Variants in EXOC3L2 observed in about 807,000 individuals in gnomAD.
The protein encoded by EXOC3L2 is exocyst complex component 3 like 2, also known as exocyst complex component 3-like protein 2.
In EXOC3L2, 17 loss-of-function variants were observed where a neutral mutation model predicts 44.4. The observed-to-expected ratio is 0.38, with a 90% CI of 0.26 to 0.57. The LOEUF (loss-of-function observed/expected upper bound fraction) is 0.57. EXOC3L2 is among the 20% of genes least tolerant of loss of function. The pLI is 0.65. For missense variants in EXOC3L2, 541 were observed against 588.4 expected, an observed-to-expected ratio of 0.92 and a Z score of 0.83; for synonymous variants, 256 against 253.7, an observed-to-expected ratio of 1.01 and a Z score of -0.09.
Position 45,213,162 on chromosome 19 carries a change from G to A in EXOC3L2, c.2316C>T (p.Gly772=), listed in dbSNP as rs571457121. 6.9e-6 allele frequency: 11 copies of A among 1,594,432 alleles called. No homozygotes were observed. The South Asian group carries it at 1.1e-4, about 16-fold the overall frequency. ...TGGCCAGCCGGGAGAGGGGGAGGCG[G>A]CCCAGGAAGAGAGGGAGGCTGAGAC... ...SFCLSLPLFL[G]RLPLSRLARP... The change falls in exon 12 of 12, where the codon GGC becomes GGT. Residue 772 remains glycine, a synonymous_variant. Transcript: ENST00000413988.
At chr19:45,218,158 T>TTGCCC in intron 9 of EXOC3L2, 39 bp downstream of exon 9, 6 of 1,034,904 alleles carry the variant, frequency 5.8e-6, no homozygotes, top group Non-Finnish European at 6.7e-6. Context: ...TCCCCTCTTT[T>TTGCCC]CCCCCACCCC....
In EXOC3L2 at chr19:45,227,667, T is replaced by TG. The variant is rs886039793; in HGVS notation, c.1577dup (p.Leu527ThrfsTer25). On this transcript the variant is annotated frameshift_variant, in exon 7 of 12. Coordinates refer to ENST00000413988, the MANE Select transcript of EXOC3L2 (RefSeq NM_001382422.1). LOFTEE classifies it high-confidence loss of function. ...CACACCATGGATGCCCTCACCTCAG[T>TG]GGGGGGCCGCAGTTGACCAGGGCGA... 1 of 1,610,100 alleles carries TG rather than the reference T, an allele frequency of 6.2e-7. No homozygotes were observed. Among genetic ancestry groups the TG allele is most frequent in the Non-Finnish European group, 8.5e-7 (1 of 1,178,852 alleles).
rs1240409847 is a variant in EXOC3L2, at chr19:45,234,827, C to T, written c.524-1G>A. 2.5e-6 allele frequency: 1 copy of T among 393,362 alleles called. No individual in the cohort carries two copies. The highest frequency in any genetic ancestry group is 4.5e-6 in the Non-Finnish European group (1 of 222,646). The allele number at this position is 393,362 out of a possible 1,614,324, so 24.4% of individuals were successfully genotyped here. ...TGGATCAGGCTCAGGATCTCCAGCA[C>T]TGCGGGAGCAAAGCGGGAGGTCAGC... On this transcript the variant is annotated splice_acceptor_variant, in intron 2 of 11. Transcript: ENST00000413988. LOFTEE classifies it high-confidence loss of function. The surrounding 1 kb of genome is among the most constrained non-coding windows in gnomAD (Gnocchi z 5.0).
rs957385712 is a variant in EXOC3L2, at chr19:45,226,747, C to CTTTTTTTTTTTTTTTTTT, written c.1583+897_1583+914dup. Among the ~76,000 whole-genome samples the CTTTTTTTTTTTTTTTTTT allele has an allele frequency of 7.2e-4, 65 of 90,654 alleles. 9 individuals are homozygous for CTTTTTTTTTTTTTTTTTT. Among genetic ancestry groups the CTTTTTTTTTTTTTTTTTT allele is most frequent in the African/African-American group, 2.8e-3 (46 of 16,270 alleles). 59.5% of individuals were successfully genotyped at this position (90,654 alleles called of 152,430 possible). A position where few individuals can be genotyped will look rare whatever the true frequency, so the allele number is the denominator to read the frequency against. On this transcript the variant is annotated intron_variant, in intron 7 of 11. Coordinates refer to ENST00000413988, the MANE Select transcript of EXOC3L2 (RefSeq NM_001382422.1). ...CACTGTGCCCAGCTGACTCCCATCT[C>CTTTTTTTTTTTTTTTTTT]TTTTTTTTTTTTTTTTTTTTTTTGA... is the stretch of plus-strand genomic sequence containing the variant.
chr19:45,222,582 T>C (rs1969909697), intron 8 of EXOC3L2, among the ~76,000 whole-genome samples: 2 of 152,090 alleles, frequency 1.3e-5, no homozygotes, highest in Non-Finnish European at 2.9e-5. Context: ...ACCTATCTTG[T>C]TTTCTCAGTC....
At chr19:45,228,645 G>A (rs934545987) in intron 4 of EXOC3L2, among the ~76,000 whole-genome samples, 39 of 152,196 alleles carry the variant, frequency 2.6e-4, no homozygotes, top group African/African-American at 9.4e-4. Context: ...GGTGGTGCGT[G>A]TCTGTAATCC....
chr19:45,226,970 G>T (rs1334681608), intron 7 of EXOC3L2, among the ~76,000 whole-genome samples: 1 of 137,886 alleles, frequency 7.3e-6, no homozygotes, highest in African/African-American at 2.8e-5. Flanking sequence ...AGCCAGGATG[G>T]TCTCGATCTC....
intron 8 of EXOC3L2, among the ~76,000 whole-genome samples, chr19:45,220,744 A>C (rs1969887783): frequency 6.6e-6 from 1 of 151,946 alleles, no homozygotes; most frequent in African/African-American, 2.4e-5. Context: ...TCCTGAGGGC[A>C]CTAGGCAGCC....
intron 11 of EXOC3L2, among the ~76,000 whole-genome samples, 167 bp downstream of exon 11, chr19:45,215,906 A>G (rs1969828458): frequency 6.6e-6 from 1 of 152,052 alleles, no homozygotes; most frequent in South Asian, 2.1e-4. Flanking sequence ...GCGGCAGGAG[A>G]AGGAGGGAAA....
rs1970035302 is a variant in EXOC3L2, at chr19:45,231,826, C to T, written c.1206G>A (p.Leu402=). 1 of 1,610,420 alleles carries T rather than the reference C, an allele frequency of 6.2e-7. No homozygotes were observed. Among genetic ancestry groups the T allele is most frequent in the Non-Finnish European group, 8.5e-7 (1 of 1,177,052 alleles). Residue 402 remains leucine, a synonymous_variant, in exon 4 of 12, where the codon CTG becomes CTA. Coordinates refer to ENST00000413988, the MANE Select transcript of EXOC3L2 (RefSeq NM_001382422.1). ...VDMAALENGE[L]GPLLSPGTLR... is the part of the protein sequence containing the mutation. ...GGGTGCCAGGGGAGAGAAGGGGCCC[C>T]AGCTCCCCATTCTCCAGGGCGGCCA...
rs1969790065 is a variant in EXOC3L2 at position 45,212,875 on chromosome 19, C to T, written c.*194G>A. ...TCAGCCTCCCAAAGTGTTGGGATTACAGGCATGAGCCACCGTGCCTGGCGT... is the reference window on the plus strand; with the variant it reads ...TCAGCCTCCCAAAGTGTTGGGATTATAGGCATGAGCCACCGTGCCTGGCGT... On this transcript the variant is annotated 3_prime_UTR_variant, in exon 12 of 12. Transcript: ENST00000413988. 3 of 576,306 alleles carry T rather than the reference C, an allele frequency of 5.2e-6. No individual in the cohort carries two copies. Among genetic ancestry groups the T allele is most frequent in the Non-Finnish European group, 8.3e-6 (3 of 361,130 alleles). 35.7% of individuals were successfully genotyped at this position (576,306 alleles called of 1,614,324 possible).
chr19:45,231,800 A>C lies in EXOC3L2; in HGVS notation c.1232T>G (p.Leu411Arg). The part of the protein sequence containing the change: ...ELGPLLSPGT[L>R]RGLEDECVTD... ...GACGCATTCATCCTCCAAACCCCGC[A>C]GGGTGCCAGGGGAGAGAAGGGGCCC... Residue 411 changes from leucine (L) to arginine (R), a missense_variant, in exon 4 of 12, where the codon CTG becomes CGG. Coordinates refer to ENST00000413988, the MANE Select transcript of EXOC3L2 (RefSeq NM_001382422.1). 6.2e-7 allele frequency: 1 copy of C among 1,610,974 alleles called. No individual in the cohort carries two copies. Among genetic ancestry groups the C allele is most frequent in the Non-Finnish European group, 8.5e-7 (1 of 1,177,566 alleles).
intron 8 of EXOC3L2, among the ~76,000 whole-genome samples, chr19:45,221,626 C>T (rs986649617): frequency 2.0e-5 from 3 of 150,044 alleles, no homozygotes; most frequent in African/African-American, 7.4e-5. Context: ...TAGGTGTGAG[C>T]CACTGTGCCC....
At chr19:45,214,525 C>T (rs113617966) in intron 11 of EXOC3L2, among the ~76,000 whole-genome samples, 2 of 151,964 alleles carry the variant, frequency 1.3e-5, no homozygotes, top group Non-Finnish European at 2.9e-5. Flanking sequence ...AGTGCAGTGG[C>T]GCGATCTCAG....
chr19:45,222,911 C>T (rs958277900), intron 8 of EXOC3L2, among the ~76,000 whole-genome samples: 2 of 152,176 alleles, frequency 1.3e-5, no homozygotes, highest in Non-Finnish European at 2.9e-5. Context: ...AAGCACCTGG[C>T]ACAGTGAGTC....
chr19:45,244,529 C>A (rs1183702170), intron 1 of EXOC3L2, among the ~76,000 whole-genome samples: 12 of 152,150 alleles, frequency 7.9e-5, no homozygotes, highest in Non-Finnish European at 1.3e-4. Flanking sequence ...ATCCTGCCCC[C>A]TCCAACCCTC....
chr19:45,235,374 C>T (rs530898959), intron 2 of EXOC3L2, among the ~76,000 whole-genome samples: 5 of 149,666 alleles, frequency 3.3e-5, no homozygotes, highest in East Asian at 1.9e-4. Context: ...GGGGAGGTTG[C>T]AGGGCGGAAA....
intron 8 of EXOC3L2, among the ~76,000 whole-genome samples, chr19:45,222,596 C>T (rs1227340657): frequency 3.3e-5 from 5 of 152,244 alleles, no homozygotes; most frequent in African/African-American, 1.2e-4. Context: ...CTCAGTCTCT[C>T]CCTGTTTCTT....
chr19:45,236,297 C>G (rs1359153663), intron 2 of EXOC3L2, among the ~76,000 whole-genome samples: 1 of 151,578 alleles, frequency 6.6e-6, no homozygotes, highest in Non-Finnish European at 1.5e-5. Flanking sequence ...GAAACCTGGT[C>G]TCTACTAAAA....
Sources: gnomAD v4.1 joint callset for allele counts (sites outside exome capture counted in the v4.1 genomes callset) on GRCh38, gnomAD v4.1.1 for gene constraint, Gnocchi (gnomAD v3.1) non-coding constraint, MANE v1.5 for transcripts, NCBI Gene and HGNC (gene_info 2026-07-23, HGNC 2026-07-21) for gene names.